ARHGAP26: variants seen among roughly 807,000 people sequenced by gnomAD.
The protein encoded by ARHGAP26 is Rho GTPase activating protein 26.
A neutral mutation model predicts 104.8 loss-of-function variants in ARHGAP26; 38 were observed. The observed-to-expected ratio is 0.36, with a 90% CI of 0.28 to 0.48. ARHGAP26 has a LOEUF of 0.48. Ranked by LOEUF, ARHGAP26 falls within the 20% of genes least tolerant of loss-of-function variation. The probability of loss-of-function intolerance (pLI) is 0.99; values close to 1 mark genes in which losing one functional copy is unlikely to be tolerated. For missense variants in ARHGAP26, 704 were observed against 947.9 expected (o/e 0.74, Z 3.38); for synonymous variants, 341 against 340.0 (o/e 1.00, Z -0.03).
intron 20 of ARHGAP26, among the ~76,000 whole-genome samples, chr5:143,166,724 C>T (rs1249205724): frequency 6.6e-6 from 1 of 152,174 alleles, no homozygotes; most frequent in African/African-American, 2.4e-5. Flanking sequence ...GCAGGGGATT[C>T]TACAGTTTAA....
chr5:143,182,671 C>T (rs1005474090), intron 20 of ARHGAP26, among the ~76,000 whole-genome samples: 24 of 152,164 alleles, frequency 1.6e-4, no homozygotes, highest in Non-Finnish European at 2.9e-5. Flanking sequence ...ATTCACATAA[C>T]AATTGATTTT....
chr5:143,200,270 A>G (rs964085777), intron 20 of ARHGAP26, among the ~76,000 whole-genome samples: 2 of 152,220 alleles, frequency 1.3e-5, no homozygotes, highest in African/African-American at 4.8e-5. Context: ...GCTATTTGGC[A>G]CGGTATATCA....
intron 10 of ARHGAP26, among the ~76,000 whole-genome samples, chr5:142,921,239 G>A (rs566251490): frequency 6.6e-6 from 1 of 152,156 alleles, no homozygotes; most frequent in Non-Finnish European, 1.5e-5. Context: ...GGTTGGTTGG[G>A]TGTTTAATTA....
At chr5:143,121,228 G>T in intron 18 of ARHGAP26, 81 bp downstream of exon 18, 3 of 1,422,790 alleles carry the variant, frequency 2.1e-6, no homozygotes, top group Non-Finnish European at 2.9e-6. Flanking sequence ...AGTTGGCTCA[G>T]ATTTGCATTG....
chr5:142,773,451 G>A (rs549258665), intron 1 of ARHGAP26, among the ~76,000 whole-genome samples: 1 of 152,178 alleles, frequency 6.6e-6, no homozygotes, highest in Non-Finnish European at 1.5e-5. Context: ...TCTAGGGATT[G>A]CCAAAGTTCA....
At chr5:142,956,352 GA>G (rs552359510) in intron 11 of ARHGAP26, among the ~76,000 whole-genome samples, 35 of 152,208 alleles carry the variant, frequency 2.3e-4, no homozygotes, top group African/African-American at 7.5e-4. Context: ...GAGATGGGAG[GA>G]TCACTTGAGC....
chr5:142,875,402 T>C (rs1755939882), intron 3 of ARHGAP26, among the ~76,000 whole-genome samples: 3 of 152,348 alleles, frequency 2.0e-5, no homozygotes, highest in Middle Eastern at 6.8e-3. Flanking sequence ...TGAAGATTCA[T>C]TTTAAGGTCT....
At chr5:142,980,978 C>T (rs1475091594) in intron 11 of ARHGAP26, among the ~76,000 whole-genome samples, 1 of 152,142 alleles carries the variant, frequency 6.6e-6, no homozygotes, top group African/African-American at 2.4e-5. Flanking sequence ...TAGTGTCACA[C>T]TTGGTGTTTA....
intron 20 of ARHGAP26, chr5:143,173,247 G>A (rs114655308): frequency 3.9e-3 from 604 of 156,304 alleles, no homozygotes; most frequent in Non-Finnish European, 6.6e-3. Flanking sequence ...TAAATATGGA[G>A]TGCCCTCGAA....
intron 19 of ARHGAP26, among the ~76,000 whole-genome samples, chr5:143,141,706 G>A (rs577274003): frequency 1.2e-4 from 18 of 152,254 alleles, no homozygotes; most frequent in South Asian, 6.2e-4. Context: ...GTAAGTTAAC[G>A]GGAAACCAAC....
intron 11 of ARHGAP26, among the ~76,000 whole-genome samples, chr5:142,963,108 A>G (rs1407010296): frequency 6.7e-6 from 1 of 149,038 alleles, no homozygotes; most frequent in East Asian, 2.0e-4. Flanking sequence ...AGCTCCATCC[A>G]TCTTCCCACA....
chr5:142,983,182 T>A (rs1489777896), intron 11 of ARHGAP26, among the ~76,000 whole-genome samples: 3 of 152,146 alleles, frequency 2.0e-5, no homozygotes, highest in African/African-American at 7.2e-5. Context: ...TACCCCACGG[T>A]GAATTAGACC....
rs1021257329 is a variant in ARHGAP26 at position 142,770,638 on chromosome 5, C to T, written c.-124C>T. On this transcript the variant is annotated 5_prime_UTR_variant, in exon 1 of 23. Transcript: ENST00000645722. Reference sequence around the variant, plus strand: ...ACACCGCGCGCGGAGTGAGCCAGCGCCACACCTGTGGAGCCGGCGGCCGTC... The same window carrying T: ...ACACCGCGCGCGGAGTGAGCCAGCGTCACACCTGTGGAGCCGGCGGCCGTC... The T allele has an allele frequency of 5.7e-6, 4 of 696,138 alleles. No homozygotes were observed. Among genetic ancestry groups the T allele is most frequent in the Non-Finnish European group, 7.2e-6 (4 of 554,828 alleles). 43.1% of individuals were successfully genotyped at this position (696,138 alleles called of 1,614,324 possible).
intron 1 of ARHGAP26, among the ~76,000 whole-genome samples, chr5:142,843,016 C>T (rs1771114136): frequency 6.6e-6 from 1 of 152,030 alleles, no homozygotes; most frequent in Non-Finnish European, 1.5e-5. Context: ...TCCCCCATAC[C>T]CTGGCTTTTT....
At chr5:142,823,517 C>T (rs1316291156) in intron 1 of ARHGAP26, among the ~76,000 whole-genome samples, 2 of 152,058 alleles carry the variant, frequency 1.3e-5, no homozygotes, top group African/African-American at 4.8e-5. Flanking sequence ...TTATACACCA[C>T]TCTTTTTGTT....
In ARHGAP26 at chr5:143,222,780, G is replaced by C. The variant is rs1332148658; in HGVS notation, c.*334G>C. 4 of 252,028 alleles carry C rather than the reference G, an allele frequency of 1.6e-5. No individual in the cohort carries two copies. The highest frequency in any genetic ancestry group is 3.1e-5 in the Non-Finnish European group (4 of 130,892). 15.6% of individuals were successfully genotyped at this position (252,028 alleles called of 1,614,324 possible). ...TCCAAACGCCCAACCTTCAGAAAGA[G>C]GAAGTCAGATAGAAATAGTCCCTGA... On this transcript the variant is annotated 3_prime_UTR_variant, in exon 23 of 23. Transcript: ENST00000645722.
intron 16 of ARHGAP26, among the ~76,000 whole-genome samples, chr5:143,056,400 A>G (rs1478450765): frequency 8.0e-6 from 1 of 125,750 alleles, no homozygotes; most frequent in African/African-American, 3.1e-5. Flanking sequence ...AGTTTTGATT[A>G]TTGGAGTTCT....
At chr5:142,936,131 A>G (rs1414089643) in intron 11 of ARHGAP26, among the ~76,000 whole-genome samples, 1 of 151,890 alleles carries the variant, frequency 6.6e-6, no homozygotes, top group African/African-American at 2.4e-5. Flanking sequence ...ACACACACAC[A>G]CACACACACA....
chr5:143,146,901 T>G (rs894042469), intron 19 of ARHGAP26, among the ~76,000 whole-genome samples: 2 of 152,246 alleles, frequency 1.3e-5, no homozygotes, highest in Non-Finnish European at 2.9e-5. Context: ...GAGGCTTTTC[T>G]CTACTCTGGC....
Sources: gnomAD v4.1 joint callset for allele counts (sites outside exome capture counted in the v4.1 genomes callset) on GRCh38, gnomAD v4.1.1 for gene constraint, MANE v1.5 for transcripts, NCBI Gene and HGNC (gene_info 2026-07-23, HGNC 2026-07-21) for gene names.